Variants in MYT1L observed in about 807,000 individuals in gnomAD.
MYT1L encodes the protein myelin transcription factor 1-like protein.
In MYT1L, 12 loss-of-function variants were observed where a neutral mutation model predicts 126.7. The observed-to-expected ratio is 0.09, with a 90% CI of 0.06 to 0.15. The LOEUF (loss-of-function observed/expected upper bound fraction) is 0.15, where lower values mean the gene tolerates loss of function less well. Ranked by LOEUF, MYT1L falls within the 10% of genes least tolerant of loss-of-function variation. MYT1L has a pLI of 1.00. For synonymous variants in MYT1L, 541 were observed against 604.2 expected, an observed-to-expected ratio of 0.90 and a Z score of 1.53; for missense variants, 979 against 1,585.2, an observed-to-expected ratio of 0.62 and a Z score of 6.49.
intron 3 of MYT1L, among the ~76,000 whole-genome samples, chr2:2,091,259 G>C (rs2076893004): frequency 2.0e-5 from 3 of 152,204 alleles, no homozygotes; most frequent in Admixed American, 2.0e-4. Context: ...ATGGTCTGTA[G>C]AATGGATGTT....
chr2:2,239,408 A>G (rs2094393244), intron 2 of MYT1L, among the ~76,000 whole-genome samples: 1 of 152,262 alleles, frequency 6.6e-6, no homozygotes, highest in Non-Finnish European at 1.5e-5. Flanking sequence ...CATGGGTGGC[A>G]GGTAACACAC....
At chr2:1,897,485 TG>T (rs1341402310) in intron 14 of MYT1L, among the ~76,000 whole-genome samples, 1 of 152,066 alleles carries the variant, frequency 6.6e-6, no homozygotes, top group Non-Finnish European at 1.5e-5. Context: ...TGTTTTGAGA[TG>T]GAGTCTCACT....
At chr2:2,311,932 C>G (rs528512488) in intron 1 of MYT1L, among the ~76,000 whole-genome samples, 1 of 152,220 alleles carries the variant, frequency 6.6e-6, no homozygotes, top group Non-Finnish European at 1.5e-5. Context: ...AGGTCCTCCA[C>G]CTACCTCACA....
chr2:1,821,807 G>A (rs868821702), intron 21 of MYT1L, among the ~76,000 whole-genome samples: 1 of 152,152 alleles, frequency 6.6e-6, no homozygotes, highest in Non-Finnish European at 1.5e-5. Flanking sequence ...GGAGCCACAC[G>A]GGACCAAGGC....
intron 1 of MYT1L, among the ~76,000 whole-genome samples, chr2:2,307,786 A>G (rs115602763): frequency 0.035 from 5,063 of 146,418 alleles, 188 homozygotes; most frequent in South Asian, 0.11. Flanking sequence ...AGTACACTCT[A>G]TCTATACTCC....
chr2:2,123,892 G>A (rs2081353160), intron 3 of MYT1L, among the ~76,000 whole-genome samples: 1 of 152,164 alleles, frequency 6.6e-6, no homozygotes, highest in Non-Finnish European at 1.5e-5. Context: ...GCATGTGGCG[G>A]GGCCCTGAGC....
intron 19 of MYT1L, 57 bp from the exon 20 acceptor site, chr2:1,840,900 C>CTTTTTTTTTTTTTTT: frequency 1.3e-6 from 1 of 759,244 alleles, no homozygotes; most frequent in Non-Finnish European, 1.9e-6. Context: ...AGTGAGCTTT[C>CTTTTTTTTTTTTTTT]TTTCTTTTTT....
intron 1 of MYT1L, among the ~76,000 whole-genome samples, chr2:2,300,617 G>A (rs927221806): frequency 5.3e-5 from 8 of 152,156 alleles, no homozygotes; most frequent in South Asian, 2.1e-4. Flanking sequence ...CTGAAGTATC[G>A]TTTTTCTCAG....
Position 1,860,451 on chromosome 2 carries a change from G to C in MYT1L, c.2712-8748C>G, listed in dbSNP as rs376143709. Among the ~76,000 whole-genome samples the C allele has an allele frequency of 1.7e-3, 266 of 152,278 alleles. 2 individuals carry two copies. The highest frequency in any genetic ancestry group is 6.1e-3 in the African/African-American group (253 of 41,564). On this transcript the variant is annotated intron_variant, in intron 18 of 24. Transcript: ENST00000647738. ...AACCACACGCTCGGGATGCAGGTGGGGCCCCCAATTCCACATGCAAAGGGA... is the reference window on the plus strand; with the variant it reads ...AACCACACGCTCGGGATGCAGGTGGCGCCCCCAATTCCACATGCAAAGGGA...
At chr2:2,295,282 T>C (rs1057214196) in intron 1 of MYT1L, among the ~76,000 whole-genome samples, 6 of 152,112 alleles carry the variant, frequency 3.9e-5, no homozygotes, top group African/African-American at 1.2e-4. Context: ...TCACACTGCA[T>C]TGAAGCCAGG....
At chr2:2,272,699 G>A (rs2095286921) in intron 2 of MYT1L, among the ~76,000 whole-genome samples, 1 of 152,170 alleles carries the variant, frequency 6.6e-6, no homozygotes, top group South Asian at 2.1e-4. Flanking sequence ...CAGGCGTCTT[G>A]GCTTAACCTG....
At chr2:1,931,892 T>G (rs1024173298) in intron 9 of MYT1L, among the ~76,000 whole-genome samples, 4 of 152,144 alleles carry the variant, frequency 2.6e-5, no homozygotes, top group African/African-American at 9.7e-5. Context: ...ATCACCTCAC[T>G]CCTGTCCACG....
intron 2 of MYT1L, among the ~76,000 whole-genome samples, chr2:2,210,687 C>T (rs2093473612): frequency 6.6e-6 from 1 of 152,088 alleles, no homozygotes; most frequent in South Asian, 2.1e-4. Context: ...GTTCTTTTTG[C>T]TTCACAAAAT....
chr2:1,948,379 C>T (rs2057433997), intron 8 of MYT1L, among the ~76,000 whole-genome samples: 2 of 152,226 alleles, frequency 1.3e-5, no homozygotes, highest in African/African-American at 4.8e-5. Flanking sequence ...GATCCATTCT[C>T]CTACTGCAGT....
At position 1,852,405 on chromosome 2, in the gene MYT1L, C is replaced by T. The variant is rs572433619; in HGVS notation, c.2712-702G>A. Among the ~76,000 whole-genome samples the T allele has an allele frequency of 6.6e-6, 1 of 152,220 alleles. No homozygotes were observed. The highest frequency in any genetic ancestry group is 1.5e-5 in the Non-Finnish European group (1 of 68,038). Reference sequence around the variant, plus strand: ...GCTCTGAACAGTTCATGGGGACATACACTCATCTGCTGAAGCCTACCGAGG... The same window carrying T: ...GCTCTGAACAGTTCATGGGGACATATACTCATCTGCTGAAGCCTACCGAGG... On this transcript the variant is annotated intron_variant, in intron 18 of 24. Coordinates refer to ENST00000647738, the MANE Select transcript of MYT1L (RefSeq NM_001303052.2). This position sits in a 1 kb window ranked among gnomAD's most constrained non-coding sequence, Gnocchi z 4.0.
Position 1,840,856 on chromosome 2 carries a change from C to G in MYT1L, c.2775-13G>C, listed in dbSNP as rs2041561712. On this transcript the variant is annotated splice_polypyrimidine_tract_variant and intron_variant, in intron 19 of 24. Coordinates refer to ENST00000647738, the MANE Select transcript of MYT1L (RefSeq NM_001303052.2). ...GCAACCTGAAAGGCTAAATAAGAAA[C>G]ACATTTCAGAAAGCACCCCACACCG... 4.6e-6 allele frequency: 7 copies of G among 1,513,426 alleles called. No homozygotes were observed. The highest frequency in any genetic ancestry group is 6.3e-6 in the Non-Finnish European group (7 of 1,116,208). The allele number at this position is 1,513,426 out of a possible 1,614,324, so 93.7% of individuals were successfully genotyped here.
intron 8 of MYT1L, among the ~76,000 whole-genome samples, chr2:1,963,531 T>C (rs1274851115): frequency 1.3e-5 from 2 of 152,244 alleles, no homozygotes; most frequent in Non-Finnish European, 2.9e-5. Context: ...CTAGATGCCA[T>C]CTTCTTCCAA....
In MYT1L at chr2:1,917,683, T is replaced by C. The variant is rs992697373; in HGVS notation, c.1484-344A>G. 1.3e-5 allele frequency among the ~76,000 whole-genome samples: 2 copies of C among 152,216 alleles called. No homozygotes were observed. The highest frequency in any genetic ancestry group is 4.8e-5 in the African/African-American group (2 of 41,462). On this transcript the variant is annotated intron_variant, in intron 10 of 24. Transcript: ENST00000647738. This position sits in a 1 kb window ranked among gnomAD's most constrained non-coding sequence, Gnocchi z 5.9. The stretch of plus-strand genomic sequence containing the variant: ...AATCGTGATGAGACAGTGACCTTCT[T>C]AGAGAACGAAATTCTGTGCCATCAT...
chr2:1,982,466 T>C (rs1429157878), intron 5 of MYT1L, among the ~76,000 whole-genome samples: 1 of 152,228 alleles, frequency 6.6e-6, no homozygotes, highest in East Asian at 1.9e-4. Context: ...TTGGATTCCA[T>C]GGATTCCATT....
Sources: allele counts gnomAD v4.1 joint callset (sites outside exome capture counted in the v4.1 genomes callset), GRCh38; gene constraint gnomAD v4.1.1; non-coding constraint Gnocchi (gnomAD v3.1); transcripts MANE v1.5; gene names NCBI Gene and HGNC (gene_info 2026-07-23, HGNC 2026-07-21).